The following MACROD2 variants were observed in gnomAD, a reference collection of about 807,000 sequenced individuals.
The protein encoded by MACROD2 is ADP-ribose glycohydrolase MACROD2.
In MACROD2, 36 loss-of-function variants were observed where a neutral mutation model predicts 70.4. That is an observed-to-expected ratio of 0.51 (90% CI 0.39 to 0.68). The LOEUF is 0.68. MACROD2 is among the 30% of genes least tolerant of loss of function. The probability of loss-of-function intolerance (pLI) is 0.00; values close to 1 mark genes in which losing one functional copy is unlikely to be tolerated. For synonymous variants in MACROD2, 172 were observed against 178.8 expected (o/e 0.96, Z 0.30); for missense variants, 496 against 538.4 (o/e 0.92, Z 0.78).
intron 10 of MACROD2, among the ~76,000 whole-genome samples, chr20:15,916,953 TG>T (rs1159925347): frequency 0.016 from 2,443 of 152,340 alleles, 57 homozygotes; most frequent in African/African-American, 0.055. Context: ...TTTGGCTTTG[TG>T]GGCCACATGT....
intron 5 of MACROD2, among the ~76,000 whole-genome samples, chr20:14,886,916 C>T (rs1406986130): frequency 1.3e-5 from 2 of 152,126 alleles, no homozygotes; most frequent in South Asian, 2.1e-4. Context: ...GGTTCTCATT[C>T]CGACATTGGC....
At chr20:14,170,353 T>C (rs1048065550) in intron 3 of MACROD2, among the ~76,000 whole-genome samples, 3 of 152,232 alleles carry the variant, frequency 2.0e-5, no homozygotes, top group Admixed American at 6.5e-5. Flanking sequence ...TGTTGTCTGA[T>C]AGCTCTGGCT....
intron 5 of MACROD2, among the ~76,000 whole-genome samples, chr20:14,971,557 G>A (rs1245632136): frequency 6.6e-6 from 1 of 152,046 alleles, no homozygotes; most frequent in Non-Finnish European, 1.5e-5. Flanking sequence ...TTAAAATAAT[G>A]TATCATTATA....
chr20:14,211,916 G>C (rs1433315201), intron 3 of MACROD2, among the ~76,000 whole-genome samples: 1 of 152,094 alleles, frequency 6.6e-6, no homozygotes, highest in Non-Finnish European at 1.5e-5. Context: ...CTACACCTTA[G>C]CAAATAGTGC....
In MACROD2 at chr20:15,111,951, A is replaced by G. The variant is rs1443773666; in HGVS notation, c.419-117989A>G. The stretch of plus-strand genomic sequence containing the variant: ...AAACTCAGAGATAGCTTCCTCCTTC[A>G]TTAGCATTTGTGCTCTGTACTGAAC... On this transcript the variant is annotated intron_variant, in intron 5 of 17. Transcript: ENST00000684519. Among the ~76,000 whole-genome samples, 5 of 152,292 alleles carry G rather than the reference A, an allele frequency of 3.3e-5. No individual in the cohort carries two copies. The East Asian group carries it at 7.7e-4, about 24-fold the overall frequency.
intron 5 of MACROD2, among the ~76,000 whole-genome samples, chr20:15,055,323 C>T (rs937728426): frequency 2.6e-5 from 4 of 152,136 alleles, no homozygotes; most frequent in Non-Finnish European, 4.4e-5. Flanking sequence ...AACAAATCAT[C>T]AGGAGTGAGG....
At position 14,862,646 on chromosome 20, in the gene MACROD2, T is replaced by TAAATATATATAA. The variant is rs1454832908; in HGVS notation, c.418+177688_418+177689insAATATATATAAA. On this transcript the variant is annotated intron_variant, in intron 5 of 17. Transcript: ENST00000684519. ...ATATATATAAATATATATATAAATA[T>TAAATATATATAA]ATATATATAAATATATATATAAATA... Among the ~76,000 whole-genome samples the TAAATATATATAA allele has an allele frequency of 6.3e-4, 3 of 4,782 alleles. 1 individual carries two copies. Among genetic ancestry groups the TAAATATATATAA allele is most frequent in the Admixed American group, 8.3e-3 (2 of 242 alleles). The allele number at this position is 4,782 out of a possible 152,430, so 3.1% of individuals were successfully genotyped here.
At chr20:14,029,526 G>A (rs2053221293) in intron 2 of MACROD2, among the ~76,000 whole-genome samples, 1 of 152,124 alleles carries the variant, frequency 6.6e-6, no homozygotes, top group Admixed American at 6.6e-5. Flanking sequence ...GACTTTAAGG[G>A]CTGAAAGCAA....
chr20:15,310,486 G>C (rs1238377716), intron 6 of MACROD2, among the ~76,000 whole-genome samples: 1 of 152,068 alleles, frequency 6.6e-6, no homozygotes, highest in Non-Finnish European at 1.5e-5. Flanking sequence ...GTGTATATCT[G>C]ATATCTAAAT....
At chr20:14,854,332 A>C (rs2073230783) in intron 5 of MACROD2, among the ~76,000 whole-genome samples, 1 of 152,172 alleles carries the variant, frequency 6.6e-6, no homozygotes, top group Non-Finnish European at 1.5e-5. Context: ...TTGCTTTATA[A>C]AAAATGGGAT....
intron 6 of MACROD2, among the ~76,000 whole-genome samples, chr20:15,334,582 ATTTT>A (rs11478951): frequency 0.034 from 5,025 of 148,868 alleles, 154 homozygotes; most frequent in Middle Eastern, 0.11. Context: ...GGGAAAAATG[ATTTT>A]TTTTAAAAAA....
At chr20:14,742,080 G>A (rs1045716288) in intron 5 of MACROD2, among the ~76,000 whole-genome samples, 6 of 152,164 alleles carry the variant, frequency 3.9e-5, no homozygotes, top group Middle Eastern at 3.4e-3. Flanking sequence ...ACTGAAAAAC[G>A]TTCTTTAAAT....
chr20:14,764,836 A>G (rs920217194), intron 5 of MACROD2, among the ~76,000 whole-genome samples: 17 of 152,058 alleles, frequency 1.1e-4, no homozygotes, highest in Non-Finnish European at 2.2e-4. Context: ...TATTTTTGAT[A>G]TTTATTTTTT....
chr20:14,821,854 C>T (rs1462671423), intron 5 of MACROD2, among the ~76,000 whole-genome samples: 1 of 152,026 alleles, frequency 6.6e-6, no homozygotes, highest in East Asian at 1.9e-4. Context: ...ATGAGTAAAG[C>T]CTGCCAGTGT....
chr20:14,861,599 G>A (rs1204092457), intron 5 of MACROD2, among the ~76,000 whole-genome samples: 1 of 151,946 alleles, frequency 6.6e-6, no homozygotes, highest in African/African-American at 2.4e-5. Context: ...TGTAGTCTAT[G>A]TAGTGGGGAA....
intron 5 of MACROD2, among the ~76,000 whole-genome samples, chr20:15,166,554 A>C (rs2076385296): frequency 6.6e-6 from 1 of 152,156 alleles, no homozygotes; most frequent in African/African-American, 2.4e-5. Context: ...ACAGACTGAG[A>C]GATTTATGCT....
At chr20:14,197,491 G>A (rs1413404914) in intron 3 of MACROD2, among the ~76,000 whole-genome samples, 1 of 152,208 alleles carries the variant, frequency 6.6e-6, no homozygotes, top group African/African-American at 2.4e-5. Flanking sequence ...AAAAGAAACT[G>A]GCATGGTTGC....
At chr20:15,227,821 C>CTTTTTTTTT (rs1336974761) in intron 5 of MACROD2, among the ~76,000 whole-genome samples, 32 of 13,854 alleles carry the variant, frequency 2.3e-3, no homozygotes, top group Non-Finnish European at 3.1e-3. Context: ...AGAATTTCAC[C>CTTTTTTTTT]TGTTTTTTTT....
chr20:15,531,370 AT>A (rs1433589391), intron 8 of MACROD2, among the ~76,000 whole-genome samples: 5 of 151,896 alleles, frequency 3.3e-5, no homozygotes, highest in African/African-American at 1.2e-4. Context: ...CTTTATTAAT[AT>A]TTTTTCTTCT....
Sources: allele counts gnomAD v4.1 joint callset (sites outside exome capture counted in the v4.1 genomes callset), GRCh38; gene constraint gnomAD v4.1.1; transcripts MANE v1.5; gene names NCBI Gene and HGNC (gene_info 2026-07-23, HGNC 2026-07-21).